Variants in ST6GALNAC3 observed in about 807,000 individuals in gnomAD.
ST6GALNAC3 encodes the protein alpha-N-acetylgalactosaminide alpha-2,6-sialyltransferase 3.
In ST6GALNAC3, 25 loss-of-function variants were observed where a neutral mutation model predicts 32.7. The ratio of observed to expected loss-of-function variants is 0.76; its 90% CI spans 0.56 to 1.07. The LOEUF (loss-of-function observed/expected upper bound fraction) is 1.07. Ranked by LOEUF, ST6GALNAC3 falls within the 50% of genes least tolerant of loss-of-function variation. ST6GALNAC3 has a pLI of 0.00. For missense variants in ST6GALNAC3, 355 were observed against 382.4 expected (o/e 0.93, Z 0.60); for synonymous variants, 129 against 133.1 (o/e 0.97, Z 0.21).
At chr1:76,190,629 G>A (rs925079817) in intron 1 of ST6GALNAC3, among the ~76,000 whole-genome samples, 1 of 152,112 alleles carries the variant, frequency 6.6e-6, no homozygotes, top group Non-Finnish European at 1.5e-5. Flanking sequence ...TTGATCAGAT[G>A]TGTAAAATAA....
At chr1:76,563,087 C>G (rs1665339737) in intron 3 of ST6GALNAC3, among the ~76,000 whole-genome samples, 1 of 152,196 alleles carries the variant, frequency 6.6e-6, no homozygotes, top group Non-Finnish European at 1.5e-5. Flanking sequence ...AATATGTTTA[C>G]ATTACACAGA....
chr1:76,630,179 A>G lies in ST6GALNAC3; in HGVS notation c.*1373A>G. ...CTACTTGCTAATATTTGTATAGAAT[A>G]GAATTTATGTAAACTAGTAACCAGT... On this transcript the variant is annotated 3_prime_UTR_variant, in exon 5 of 5. Transcript: ENST00000328299. The G allele has an allele frequency of 1.0e-6, 1 of 985,142 alleles. No homozygotes were observed. Among genetic ancestry groups the G allele is most frequent in the East Asian group, 1.1e-4 (1 of 8,824 alleles). 61.0% of individuals were successfully genotyped at this position (985,142 alleles called of 1,614,324 possible).
intron 3 of ST6GALNAC3, among the ~76,000 whole-genome samples, chr1:76,464,938 G>A (rs1658526088): frequency 6.6e-6 from 1 of 152,178 alleles, no homozygotes; most frequent in South Asian, 2.1e-4. Context: ...TGCCTTCAAT[G>A]TTGCCAAAAG....
intron 3 of ST6GALNAC3, among the ~76,000 whole-genome samples, chr1:76,595,213 C>T (rs1209930043): frequency 6.6e-6 from 1 of 152,102 alleles, no homozygotes; most frequent in African/African-American, 2.4e-5. Context: ...CTGAAGCCAA[C>T]ACAATCTGTG....
intron 2 of ST6GALNAC3, among the ~76,000 whole-genome samples, chr1:76,329,344 C>T (rs186767943): frequency 6.6e-6 from 1 of 152,294 alleles, no homozygotes; most frequent in Non-Finnish European, 1.5e-5. Flanking sequence ...CCATTTTTCT[C>T]TGTAAGTGAT....
intron 1 of ST6GALNAC3, among the ~76,000 whole-genome samples, chr1:76,112,040 C>G (rs1379117060): frequency 6.6e-6 from 1 of 151,012 alleles, no homozygotes; most frequent in African/African-American, 2.4e-5. Flanking sequence ...CCTCACCTCC[C>G]GGATGGGGAG....
At position 76,317,782 on chromosome 1, in the gene ST6GALNAC3, T is replaced by C. The variant is rs149384296; in HGVS notation, c.213+3783T>C. 6.6e-5 allele frequency among the ~76,000 whole-genome samples: 10 copies of C among 152,192 alleles called. No individual in the cohort carries two copies. The East Asian group carries it at 1.7e-3, about 27-fold the overall frequency. On this transcript the variant is annotated intron_variant, in intron 2 of 4. Transcript: ENST00000328299. ...TAGTCATAGATTTTATGAGCTGAAA[T>C]GATTACAAGAAAGAATGTCTCTTTA...
chr1:76,493,154 A>T (rs2101698542), intron 3 of ST6GALNAC3, among the ~76,000 whole-genome samples: 1 of 152,260 alleles, frequency 6.6e-6, no homozygotes, highest in East Asian at 1.9e-4. Context: ...ACCATTCAAA[A>T]TTGAATGCTG....
chr1:76,361,987 A>AT (rs201838297), intron 2 of ST6GALNAC3, among the ~76,000 whole-genome samples: 29,707 of 123,520 alleles, frequency 0.24, 3,637 homozygotes, highest in East Asian at 0.66. Context: ...CAAAAAAAAA[A>AT]AAAAAAGAGA....
At chr1:76,315,931 C>T (rs566795952) in intron 2 of ST6GALNAC3, among the ~76,000 whole-genome samples, 45 of 152,140 alleles carry the variant, frequency 3.0e-4, no homozygotes, top group Non-Finnish European at 6.2e-4. Flanking sequence ...TTATCACAGT[C>T]CAGAGTACCA....
chr1:76,397,574 A>G (rs1253888974), intron 2 of ST6GALNAC3, among the ~76,000 whole-genome samples: 2 of 151,476 alleles, frequency 1.3e-5, no homozygotes, highest in Non-Finnish European at 2.9e-5. Flanking sequence ...GGGTTTCACC[A>G]TTTTGGCCAG....
chr1:76,110,380 A>G (rs1193695143), intron 1 of ST6GALNAC3, among the ~76,000 whole-genome samples: 6 of 152,260 alleles, frequency 3.9e-5, no homozygotes, highest in Non-Finnish European at 7.3e-5. Flanking sequence ...AGCCATGCTT[A>G]AATGCTTTCA....
rs2100739772 is a variant in ST6GALNAC3, at chr1:76,630,901, TC to T, written c.*2100del. The T allele has an allele frequency of 2.0e-6, 2 of 985,632 alleles. No individual in the cohort carries two copies. The highest frequency in any genetic ancestry group is 2.4e-6 in the Non-Finnish European group (2 of 829,822). 61.1% of individuals were successfully genotyped at this position (985,632 alleles called of 1,614,324 possible). On this transcript the variant is annotated 3_prime_UTR_variant, in exon 5 of 5. Coordinates refer to ENST00000328299, the MANE Select transcript of ST6GALNAC3 (RefSeq NM_152996.4). ...TTAAAATTGCCATACAGACTGTTTT[TC>T]CCCCTGTTGTTTCACTTTAAAATAA... is the stretch of plus-strand genomic sequence containing the variant.
intron 1 of ST6GALNAC3, among the ~76,000 whole-genome samples, chr1:76,271,139 G>A (rs1164906914): frequency 6.6e-6 from 1 of 152,110 alleles, no homozygotes; most frequent in African/African-American, 2.4e-5. Flanking sequence ...TCTCCTTCTT[G>A]TTTGAACTCA....
At chr1:76,119,880 G>A (rs510025) in intron 1 of ST6GALNAC3, among the ~76,000 whole-genome samples, 92,760 of 146,214 alleles carry the variant, frequency 0.63, 28,881 homozygotes, top group African/African-American at 0.7. Context: ...GCAGGTCCGT[G>A]GGACTGTAAA....
intron 1 of ST6GALNAC3, among the ~76,000 whole-genome samples, chr1:76,218,740 G>A (rs905037171): frequency 1.3e-5 from 2 of 152,154 alleles, no homozygotes; most frequent in African/African-American, 2.4e-5. Context: ...TATTGCAGAT[G>A]TATGAATTAA....
intron 1 of ST6GALNAC3, among the ~76,000 whole-genome samples, chr1:76,284,880 T>A (rs1185987850): frequency 6.6e-6 from 1 of 152,082 alleles, no homozygotes; most frequent in Non-Finnish European, 1.5e-5. Flanking sequence ...CTTGATTACA[T>A]ATGAGATACC....
chr1:76,272,624 C>T (rs1384439027), intron 1 of ST6GALNAC3, among the ~76,000 whole-genome samples: 1 of 152,128 alleles, frequency 6.6e-6, no homozygotes. Context: ...GTAGAATATT[C>T]TTTTATTTTC....
chr1:76,271,089 C>A (rs1442790180), intron 1 of ST6GALNAC3, among the ~76,000 whole-genome samples: 5 of 152,122 alleles, frequency 3.3e-5, no homozygotes, highest in Admixed American at 2.0e-4. Context: ...ATAAATTGAT[C>A]CTCATATTGA....
Sources: gnomAD v4.1 joint callset for allele counts (sites outside exome capture counted in the v4.1 genomes callset) on GRCh38, gnomAD v4.1.1 for gene constraint, MANE v1.5 for transcripts, NCBI Gene and HGNC (gene_info 2026-07-23, HGNC 2026-07-21) for gene names.